Variants in ADAMTS9 observed in about 807,000 individuals in gnomAD.
ADAMTS9 encodes the protein ADAM metallopeptidase with thrombospondin type 1 motif 9.
In ADAMTS9, 107 loss-of-function variants were observed where a neutral mutation model predicts 257.1. The observed-to-expected ratio is 0.42, with a 90% CI of 0.36 to 0.49. The LOEUF is 0.49. Ranked by LOEUF, ADAMTS9 falls within the 20% of genes least tolerant of loss-of-function variation. The pLI is 0.03. For synonymous variants in ADAMTS9, 982 were observed against 880.9 expected (o/e 1.11, Z -2.03); for missense variants, 2,353 against 2,469.1 (o/e 0.95, Z 1.00).
chr3:64,595,486 C>T (rs1475366843), intron 27 of ADAMTS9, among the ~76,000 whole-genome samples: 6 of 152,230 alleles, frequency 3.9e-5, no homozygotes, highest in Admixed American at 6.5e-5. Context: ...GACAGCAAAG[C>T]ATCCCAGCAA....
chr3:64,554,043 T>C (rs541508329), intron 30 of ADAMTS9, among the ~76,000 whole-genome samples: 18 of 152,326 alleles, frequency 1.2e-4, no homozygotes, highest in African/African-American at 4.3e-4. Flanking sequence ...AAATTAGGAC[T>C]TAGGTGACTC....
At chr3:64,571,185 G>A (rs1224946129) in intron 28 of ADAMTS9, among the ~76,000 whole-genome samples, 1 of 152,130 alleles carries the variant, frequency 6.6e-6, no homozygotes, top group Non-Finnish European at 1.5e-5. Context: ...AATTGGAAAA[G>A]GTACAACTCT....
chr3:64,605,775 C>G (rs373810085), intron 23 of ADAMTS9, among the ~76,000 whole-genome samples: 16 of 152,140 alleles, frequency 1.1e-4, no homozygotes, highest in African/African-American at 3.9e-4. Context: ...TTTGTGTACA[C>G]AAACACACAC....
chr3:64,525,931 CAATATAATAT>C lies in ADAMTS9; in HGVS notation c.5719-3681_5719-3672del, dbSNP rs72203242. On this transcript the variant is annotated intron_variant, in intron 38 of 39. Transcript: ENST00000498707. ...AGTACAGTAGAAAAATTATATTTAC[CAATATAATAT>C]AATATAATAAACATTTATATAAAAT... Among the ~76,000 whole-genome samples the C allele has an allele frequency of 6.4e-4, 95 of 147,370 alleles. 1 individual carries two copies. Among genetic ancestry groups the C allele is most frequent in the Admixed American group, 2.7e-3 (40 of 14,784 alleles).
At chr3:64,583,467 T>C (rs2084055320) in intron 28 of ADAMTS9, 1 of 152,238 alleles carries the variant, frequency 6.6e-6, no homozygotes, top group South Asian at 2.1e-4. Context: ...CGCTTTTGAA[T>C]GAGGCTCCAA....
At chr3:64,562,219 T>G (rs1017591064) in intron 29 of ADAMTS9, among the ~76,000 whole-genome samples, 3 of 152,184 alleles carry the variant, frequency 2.0e-5, no homozygotes, top group African/African-American at 7.2e-5. Flanking sequence ...ATTTTAGGAC[T>G]TTATAAGTAG....
At chr3:64,640,928 G>A (rs1700620854) in intron 12 of ADAMTS9, among the ~76,000 whole-genome samples, 1 of 151,932 alleles carries the variant, frequency 6.6e-6, no homozygotes, top group African/African-American at 2.4e-5. Context: ...TAGGCTGGTA[G>A]AGGTTGCCAT....
intron 28 of ADAMTS9, chr3:64,583,614 T>C (rs1266463406): frequency 6.6e-6 from 1 of 152,294 alleles, no homozygotes; most frequent in Admixed American, 6.5e-5. Context: ...TGCATCCCCA[T>C]TGTAACAACC....
chr3:64,680,198 G>A (rs1056334524), intron 3 of ADAMTS9, among the ~76,000 whole-genome samples: 1 of 152,200 alleles, frequency 6.6e-6, no homozygotes, highest in Admixed American at 6.5e-5. Context: ...GATGAAGTAA[G>A]TGATCCTCTG....
chr3:64,631,211 A>G (rs1700360373), intron 16 of ADAMTS9, among the ~76,000 whole-genome samples: 2 of 152,208 alleles, frequency 1.3e-5, no homozygotes. Flanking sequence ...GGGCCTTTCT[A>G]TTTTTTAAGA....
At chr3:64,556,303 T>C (rs2083332242) in intron 30 of ADAMTS9, among the ~76,000 whole-genome samples, 1 of 152,176 alleles carries the variant, frequency 6.6e-6, no homozygotes, top group Non-Finnish European at 1.5e-5. Flanking sequence ...AAACAGAGTT[T>C]GACTGTGCTT....
At chr3:64,549,809 G>A (rs921901534) in intron 31 of ADAMTS9, among the ~76,000 whole-genome samples, 4 of 152,120 alleles carry the variant, frequency 2.6e-5, no homozygotes, top group African/African-American at 2.4e-5. Flanking sequence ...ATGTCCCCTC[G>A]AAGGACAAAA....
chr3:64,658,921 T>C, intron 3 of ADAMTS9, 130 bp from the exon 4 acceptor site: 1 of 921,788 alleles, frequency 1.1e-6, no homozygotes, highest in Non-Finnish European at 1.6e-6. Context: ...CTCCATGGAC[T>C]CTACAGATGC....
At chr3:64,649,557 TTAGAA>T in intron 10 of ADAMTS9, 75 bp downstream of exon 10, 1 of 1,476,190 alleles carries the variant, frequency 6.8e-7, no homozygotes, top group Non-Finnish European at 9.1e-7. Flanking sequence ...TATAGTCGAG[TTAGAA>T]TGCAATGGAA....
intron 38 of ADAMTS9, among the ~76,000 whole-genome samples, chr3:64,527,549 T>C (rs2082925489): frequency 2.3e-5 from 1 of 44,112 alleles, no homozygotes. Context: ...GATTATGGTA[T>C]AATGTTTATA....
In ADAMTS9 at chr3:64,626,204, G is replaced by T. The variant is rs949388431; in HGVS notation, c.2390-3618C>A. Among the ~76,000 whole-genome samples, 9 of 152,222 alleles carry T rather than the reference G, an allele frequency of 5.9e-5. No homozygotes were observed. The East Asian group carries it at 1.5e-3, about 26-fold the overall frequency. On this transcript the variant is annotated intron_variant, in intron 16 of 39. Transcript: ENST00000498707. ...CTGTCTCCTTATCACACTTCTATAA[G>T]GTAGTGTCTATTATAGAAGCCTAAT...
chr3:64,655,994 G>T, intron 4 of ADAMTS9, 119 bp from the exon 5 acceptor site: 1 of 594,436 alleles, frequency 1.7e-6, no homozygotes, highest in South Asian at 3.0e-5. Flanking sequence ...TGCATTTTGT[G>T]GTTGTGAATT....
chr3:64,636,195 G>A (rs940615144), intron 12 of ADAMTS9, among the ~76,000 whole-genome samples: 3 of 152,166 alleles, frequency 2.0e-5, no homozygotes, highest in African/African-American at 7.2e-5. Context: ...CTTCCCTTCA[G>A]ATGGTAACAG....
rs759116845 is a variant in ADAMTS9 at position 64,541,550 on chromosome 3, C to G, written c.5268G>C (p.Leu1756=). ...KGASEDGEYF[L]MIRGKLLKIF... is the part of the protein sequence containing the mutation. ...CCTTCAGAAGCTTTCCTCTAATCAT[C>G]AGGAAATATTCACCATCTTCACTGG... The change falls in exon 34 of 40, where the codon CTG becomes CTC. Residue 1756 remains leucine, a synonymous_variant. Coordinates refer to ENST00000498707, the MANE Select transcript of ADAMTS9 (RefSeq NM_182920.2). 43 of 1,613,920 alleles carry G rather than the reference C, an allele frequency of 2.7e-5. No homozygotes were observed. The highest frequency in any genetic ancestry group is 5.0e-5 in the Admixed American group (3 of 60,002).
Sources: allele counts gnomAD v4.1 joint callset (sites outside exome capture counted in the v4.1 genomes callset), GRCh38; gene constraint gnomAD v4.1.1; transcripts MANE v1.5; gene names NCBI Gene and HGNC (gene_info 2026-07-23, HGNC 2026-07-21).